The following ZNF385B variants were observed in gnomAD, a reference collection of about 807,000 sequenced individuals.
The protein encoded by ZNF385B is zinc finger protein 533.
A neutral mutation model predicts 39.2 loss-of-function variants in ZNF385B; 23 were observed. That is an observed-to-expected ratio of 0.59 (90% confidence interval 0.42 to 0.83). ZNF385B has a LOEUF of 0.83. Among genes scored for constraint, ZNF385B ranks in the 40% least tolerant of loss-of-function variants. ZNF385B has a pLI of 0.00. For missense variants in ZNF385B, 552 were observed against 598.9 expected (o/e 0.92, Z 0.82); for synonymous variants, 205 against 222.6 (o/e 0.92, Z 0.70).
chr2:179,455,712 A>T (rs1324050873), intron 6 of ZNF385B, among the ~76,000 whole-genome samples: 1 of 149,568 alleles, frequency 6.7e-6, no homozygotes, highest in African/African-American at 2.5e-5. Flanking sequence ...ACATGATGAA[A>T]TCCCGTCTCT....
chr2:179,446,234 C>T (rs1914496), intron 7 of ZNF385B, among the ~76,000 whole-genome samples: 72,447 of 151,944 alleles, frequency 0.48, 17,447 homozygotes, highest in East Asian at 0.57. Context: ...GCAGTGAACA[C>T]TGTGCATAAA....
At chr2:179,769,356 A>T (rs1259893465) in intron 3 of ZNF385B, 147 bp downstream of exon 3, 1 of 1,275,116 alleles carries the variant, frequency 7.8e-7, no homozygotes, top group Non-Finnish European at 1.1e-6. Context: ...CAAACAGCTC[A>T]TGTATTTTAC....
chr2:179,807,752 G>A (rs1160720147), intron 1 of ZNF385B, among the ~76,000 whole-genome samples: 1 of 151,654 alleles, frequency 6.6e-6, no homozygotes, highest in Non-Finnish European at 1.5e-5. Context: ...AAAATTAGCT[G>A]GGCGTGGTGG....
chr2:179,667,497 G>A (rs1193538172), intron 3 of ZNF385B, among the ~76,000 whole-genome samples: 1 of 151,954 alleles, frequency 6.6e-6, no homozygotes, highest in Non-Finnish European at 1.5e-5. Context: ...ACCCCTTTTT[G>A]TACCACATGA....
chr2:179,860,596 T>C (rs1206625096), intron 1 of ZNF385B, among the ~76,000 whole-genome samples: 3 of 151,978 alleles, frequency 2.0e-5, no homozygotes, highest in Non-Finnish European at 4.4e-5. Flanking sequence ...TCTGCCCCCA[T>C]CTCATCTGGG....
intron 3 of ZNF385B, among the ~76,000 whole-genome samples, chr2:179,576,654 G>C (rs1012345136): frequency 3.3e-5 from 5 of 152,104 alleles, no homozygotes; most frequent in Non-Finnish European, 7.4e-5. Flanking sequence ...CCCAGTTCTG[G>C]ACAAATATTT....
intron 6 of ZNF385B, among the ~76,000 whole-genome samples, chr2:179,471,991 G>T (rs533592221): frequency 5.3e-5 from 8 of 152,018 alleles, no homozygotes; most frequent in African/African-American, 1.9e-4. Context: ...TCATTGATAC[G>T]AATGCTACAT....
At chr2:179,763,255 A>C (rs1407998832) in intron 3 of ZNF385B, among the ~76,000 whole-genome samples, 1 of 152,160 alleles carries the variant, frequency 6.6e-6, no homozygotes, top group Admixed American at 6.5e-5. Flanking sequence ...TGGTTTCTGA[A>C]GGACTGGTTC....
At chr2:179,805,836 T>C (rs1003274577) in intron 1 of ZNF385B, among the ~76,000 whole-genome samples, 1 of 152,322 alleles carries the variant, frequency 6.6e-6, no homozygotes, top group Non-Finnish European at 1.5e-5. Context: ...ACATAATGGA[T>C]AGACAAAGAG....
chr2:179,519,159 T>C (rs867875316), intron 4 of ZNF385B, among the ~76,000 whole-genome samples: 1 of 152,184 alleles, frequency 6.6e-6, no homozygotes, highest in Non-Finnish European at 1.5e-5. Context: ...AAAATGTTAA[T>C]GTTTTCCCTG....
chr2:179,752,120 T>C (rs564088528), intron 3 of ZNF385B, among the ~76,000 whole-genome samples: 2 of 152,070 alleles, frequency 1.3e-5, no homozygotes, highest in Non-Finnish European at 2.9e-5. Flanking sequence ...GTGTGTGATG[T>C]TCCCCTTCCT....
chr2:179,714,346 CAACTGAGGCAA>C (rs1471350974), intron 3 of ZNF385B, among the ~76,000 whole-genome samples: 1 of 152,126 alleles, frequency 6.6e-6, no homozygotes, highest in African/African-American at 2.4e-5. Context: ...ATGTACATGG[CAACTGAGGCAA>C]AGAGCTCTTA....
intron 3 of ZNF385B, among the ~76,000 whole-genome samples, chr2:179,658,958 G>A (rs1484920213): frequency 6.6e-6 from 1 of 152,140 alleles, no homozygotes; most frequent in East Asian, 1.9e-4. Flanking sequence ...TTGTATTTTA[G>A]TAGAGATGGG....
chr2:179,668,588 A>T (rs138684197), intron 3 of ZNF385B, among the ~76,000 whole-genome samples: 128 of 148,874 alleles, frequency 8.6e-4, no homozygotes, highest in African/African-American at 3.0e-3. Flanking sequence ...CTACAAGTTC[A>T]TCTTATCACA....
At chr2:179,599,876 A>T (rs1439866948) in intron 3 of ZNF385B, among the ~76,000 whole-genome samples, 6 of 152,212 alleles carry the variant, frequency 3.9e-5, no homozygotes, top group African/African-American at 1.4e-4. Flanking sequence ...AATTTCTTCT[A>T]TGGTGAGGCG....
chr2:179,538,603 T>C (rs2105887782), intron 4 of ZNF385B, among the ~76,000 whole-genome samples: 1 of 152,332 alleles, frequency 6.6e-6, no homozygotes, highest in African/African-American at 2.4e-5. Context: ...GGTAATCATA[T>C]AAATCATTTC....
intron 3 of ZNF385B, among the ~76,000 whole-genome samples, chr2:179,708,625 T>G (rs115879330): frequency 6.6e-6 from 1 of 152,156 alleles, no homozygotes; most frequent in Non-Finnish European, 1.5e-5. Flanking sequence ...CTCTTGGAAA[T>G]TGATAACTTA....
intron 3 of ZNF385B, among the ~76,000 whole-genome samples, chr2:179,634,644 G>A (rs1311962934): frequency 3.9e-5 from 6 of 152,202 alleles, no homozygotes; most frequent in Non-Finnish European, 8.8e-5. Flanking sequence ...AGACAGTGTG[G>A]CGATTCCTCA....
intron 3 of ZNF385B, among the ~76,000 whole-genome samples, chr2:179,752,432 T>A (rs1227447571): frequency 6.6e-6 from 1 of 152,248 alleles, no homozygotes; most frequent in Non-Finnish European, 1.5e-5. Context: ...GGATTTATAA[T>A]CCTTTGGGTA....
Sources: allele counts gnomAD v4.1 joint callset (sites outside exome capture counted in the v4.1 genomes callset), GRCh38; gene constraint gnomAD v4.1.1; transcripts MANE v1.5; gene names NCBI Gene and HGNC (gene_info 2026-07-23, HGNC 2026-07-21).